The following AOPEP variants were observed in gnomAD, a reference collection of about 807,000 sequenced individuals.
The protein encoded by AOPEP is aminopeptidase O.
AOPEP carries 77 observed loss-of-function variants against 98.1 expected under a neutral mutation model. The observed-to-expected ratio is 0.78, with a 90% CI of 0.65 to 0.95. The LOEUF (loss-of-function observed/expected upper bound fraction) is 0.95. Ranked by LOEUF, AOPEP falls within the 40% of genes least tolerant of loss-of-function variation. AOPEP has a pLI of 0.00. For synonymous variants in AOPEP, 346 were observed against 365.3 expected (o/e 0.95, Z 0.60); for missense variants, 1,024 against 1,024.7 (o/e 1.00, Z 0.01).
chr9:94,872,787 G>A (rs540823545), intron 5 of AOPEP, among the ~76,000 whole-genome samples: 35 of 152,284 alleles, frequency 2.3e-4, no homozygotes, highest in African/African-American at 8.4e-4. Context: ...AAGAAAAGAC[G>A]TGAAAGATGA....
At chr9:95,016,093 T>G (rs2062958525) in intron 13 of AOPEP, among the ~76,000 whole-genome samples, 1 of 152,022 alleles carries the variant, frequency 6.6e-6, no homozygotes, top group African/African-American at 2.4e-5. Flanking sequence ...TCAGTCTATT[T>G]TACTCTCACT....
intron 14 of AOPEP, chr9:95,065,238 T>C (rs2067754510): frequency 1.3e-5 from 2 of 152,274 alleles, no homozygotes; most frequent in East Asian, 3.8e-4. Context: ...AAGTCCTTCC[T>C]CTTGTCTGCC....
intron 7 of AOPEP, among the ~76,000 whole-genome samples, chr9:94,933,842 T>G (rs2055799746): frequency 6.6e-6 from 1 of 151,570 alleles, no homozygotes; most frequent in Admixed American, 6.6e-5. Flanking sequence ...CCGCCTCCCA[T>G]GTTCACGCCA....
intron 11 of AOPEP, among the ~76,000 whole-genome samples, chr9:94,987,704 G>C (rs181765714): frequency 6.6e-6 from 1 of 152,186 alleles, no homozygotes; most frequent in Non-Finnish European, 1.5e-5. Context: ...CTGGGTGAAC[G>C]CATTTTGATT....
At chr9:95,135,089 G>A in the AOPEP span, among the ~76,000 whole-genome samples, 10 of 152,140 alleles carry the variant, frequency 6.6e-5, no homozygotes, top group African/African-American at 2.4e-4. Flanking sequence ...AGTCTGTTGT[G>A]CAAATGTCAA....
chr9:94,853,643 T>C lies in AOPEP; in HGVS notation c.1364+52641T>C, dbSNP rs573139988. 1.2e-3 allele frequency among the ~76,000 whole-genome samples: 188 copies of C among 152,338 alleles called. 2 individuals carry two copies. The highest frequency in any genetic ancestry group is 6.8e-3 in the Middle Eastern group (2 of 294). On this transcript the variant is annotated intron_variant, in intron 5 of 16. Coordinates refer to ENST00000375315, the MANE Select transcript of AOPEP (RefSeq NM_001193329.3). ...TTTTTCAAAGTGAGATTTGAAAATG[T>C]TGAATTTGAGATTCTACAGTGATAT...
intron 4 of AOPEP, among the ~76,000 whole-genome samples, chr9:94,795,205 A>C (rs570794377): frequency 6.6e-6 from 1 of 152,244 alleles, no homozygotes; most frequent in East Asian, 1.9e-4. Context: ...CCCCAGAGAG[A>C]GGTGAGTCAG....
In AOPEP at chr9:94,972,935, T is replaced by A. The variant is rs150314876; in HGVS notation, c.1916+5134T>A. On this transcript the variant is annotated intron_variant, in intron 10 of 16. Coordinates refer to ENST00000375315, the MANE Select transcript of AOPEP (RefSeq NM_001193329.3). This position sits in a 1 kb window ranked among gnomAD's most constrained non-coding sequence, Gnocchi z 4.2. ...GCCTGGGAGACAGAGTGAGACCCTG[T>A]CTCAAAAAAAAAAGGAAGAAAATAA... Among the ~76,000 whole-genome samples, 1,380 of 151,240 alleles carry A rather than the reference T, an allele frequency of 9.1e-3. 10 individuals are homozygous for A. The highest frequency in any genetic ancestry group is 0.015 in the Non-Finnish European group (1,041 of 67,792).
chr9:95,079,822 A>G (rs577189718), intron 14 of AOPEP, among the ~76,000 whole-genome samples: 26 of 152,318 alleles, frequency 1.7e-4, no homozygotes, highest in East Asian at 3.9e-4. Context: ...TCTGTTTTCA[A>G]TGTTGTGCAA....
At chr9:95,038,176 AAAAC>A (rs1341095923) in intron 13 of AOPEP, among the ~76,000 whole-genome samples, 2 of 152,312 alleles carry the variant, frequency 1.3e-5, no homozygotes, top group African/African-American at 4.8e-5. Context: ...TGAAAAACAA[AAAAC>A]ACTTTCTTTC....
chr9:95,080,667 T>C (rs2069643141), intron 14 of AOPEP, 27 bp from the exon 15 acceptor site: 6 of 1,587,368 alleles, frequency 3.8e-6, no homozygotes, highest in Non-Finnish European at 5.2e-6. Flanking sequence ...TGCTTGTCGC[T>C]CACTGGGCTC....
At chr9:94,769,297 A>G (rs77029503) in intron 2 of AOPEP, among the ~76,000 whole-genome samples, 4,149 of 152,330 alleles carry the variant, frequency 0.027, 185 homozygotes, top group African/African-American at 0.094. Context: ...CTGTGATGTC[A>G]GACATGCATA....
chr9:95,139,962 G>A, the AOPEP span, among the ~76,000 whole-genome samples: 3,422 of 151,552 alleles, frequency 0.023, 141 homozygotes, highest in African/African-American at 0.079. Context: ...ATACGTTAGT[G>A]ACAGAAACGC....
chr9:95,119,688 T>C, the AOPEP span, among the ~76,000 whole-genome samples: 1 of 151,938 alleles, frequency 6.6e-6, no homozygotes, highest in Non-Finnish European at 1.5e-5. Flanking sequence ...CTTAATGATA[T>C]CTATCAAAGA....
intron 7 of AOPEP, among the ~76,000 whole-genome samples, chr9:94,938,205 T>C (rs548129799): frequency 6.6e-6 from 1 of 152,286 alleles, no homozygotes; most frequent in East Asian, 1.9e-4. Flanking sequence ...ACCAAATACA[T>C]ATCTCGCTTC....
At chr9:94,798,697 TG>T (rs1444337663) in intron 4 of AOPEP, among the ~76,000 whole-genome samples, 4 of 152,218 alleles carry the variant, frequency 2.6e-5, no homozygotes, top group Admixed American at 2.6e-4. Context: ...CTGAAAGCTT[TG>T]CAATAGAGAT....
At chr9:94,917,231 C>G (rs1371970100) in intron 5 of AOPEP, among the ~76,000 whole-genome samples, 1 of 151,480 alleles carries the variant, frequency 6.6e-6, no homozygotes, top group African/African-American at 2.4e-5. Flanking sequence ...CTCTGCTGGT[C>G]AGTAGCTGAG....
chr9:94,982,838 T>C (rs1288560531), intron 11 of AOPEP, among the ~76,000 whole-genome samples: 1 of 152,118 alleles, frequency 6.6e-6, no homozygotes, highest in East Asian at 1.9e-4. Flanking sequence ...AGATTTTGGA[T>C]TTTTTTTCAT....
intron 5 of AOPEP, among the ~76,000 whole-genome samples, chr9:94,805,840 C>T (rs1849158337): frequency 6.6e-6 from 1 of 152,162 alleles, no homozygotes; most frequent in Non-Finnish European, 1.5e-5. Context: ...TTCTTATCTC[C>T]CAGCCAATGT....
Sources: allele counts gnomAD v4.1 joint callset (sites outside exome capture counted in the v4.1 genomes callset), GRCh38; gene constraint gnomAD v4.1.1; non-coding constraint Gnocchi (gnomAD v3.1); transcripts MANE v1.5; gene names NCBI Gene and HGNC (gene_info 2026-07-23, HGNC 2026-07-21).